Variants in NR0B1 observed in about 807,000 individuals in gnomAD.
NR0B1 encodes DSS-AHC critical region on the X chromosome protein 1.
NR0B1 carries 3 observed loss-of-function variants against 23.0 expected under a neutral mutation model. The observed-to-expected ratio is 0.13, with a 90% CI of 0.06 to 0.34. The LOEUF is 0.34. NR0B1 is among the 10% of genes least tolerant of loss of function. The probability of loss-of-function intolerance (pLI) is 1.00; values close to 1 mark genes in which losing one functional copy is unlikely to be tolerated. For synonymous variants in NR0B1, 205 were observed against 184.0 expected, an observed-to-expected ratio of 1.11 and a Z score of -0.92; for missense variants, 350 against 402.9, an observed-to-expected ratio of 0.87 and a Z score of 1.12.
intron 1 of NR0B1, among the ~76,000 whole-genome samples, chrX:30,305,322 G>A (rs758677070): frequency 4.5e-5 from 5 of 112,054 alleles, no homozygotes; most frequent in African/African-American, 1.3e-4. Flanking sequence ...AAACTTTGAC[G>A]CACAGTTTCA....
chrX:30,308,887 A>C lies in NR0B1; in HGVS notation c.477T>G (p.Ala159=), dbSNP rs780421044. 1 of 1,174,037 alleles carries C rather than the reference A, an allele frequency of 8.5e-7. No individual in the cohort carries two copies. The highest frequency in any genetic ancestry group is 3.3e-5 in the East Asian group (1 of 30,103). Residue 159 remains alanine, a synonymous_variant, in exon 1 of 2, where the codon GCT becomes GCG. Transcript: ENST00000378970. ...LLTSSKQTHV[A]PAAPEARPGG... ...CTGGCCGTGCCTCGGGCGCTGCCGG[A>C]GCCACGTGCGTTTGCTTTGAGCTAG...
rs1207705997 is a variant in NR0B1, at chrX:30,308,699, T to C, written c.665A>G (p.Gln222Arg). 2.5e-6 allele frequency: 3 copies of C among 1,200,440 alleles called. No homozygotes were observed. The highest frequency in any genetic ancestry group is 3.4e-6 in the Non-Finnish European group (3 of 890,371). ...TLYCVPTSTN[Q>R]AQAAPEERPR... ...CCGCTCCTCCGGAGCCGCCTGCGCT[T>C]GATTTGTGCTCGTGGGCACGCAGTA... The change falls in exon 1 of 2, where the codon CAA (glutamine) becomes CGA (arginine). Residue 222 changes from glutamine to arginine, a missense_variant. Around this residue, in one of 2 missense-constraint regions of NR0B1, gnomAD observed 298 missense variants for 314.0 expected, o/e 0.95. Transcript: ENST00000378970.
chrX:30,307,068 A>C (rs1248236287), intron 1 of NR0B1, among the ~76,000 whole-genome samples: 1 of 111,793 alleles, frequency 8.9e-6, no homozygotes, highest in Non-Finnish European at 1.9e-5. Context: ...TGATCTATGC[A>C]CCCTCAAAAA....
rs1199211921 is a variant in NR0B1, at chrX:30,308,404, G to A, written c.960C>T (p.Ile320=). 1.7e-6 allele frequency: 2 copies of A among 1,206,230 alleles called. No individual in the cohort carries two copies. Among genetic ancestry groups the A allele is most frequent in the Non-Finnish European group, 1.1e-6 (1 of 892,474 alleles). Residue 320 remains isoleucine (I), a synonymous_variant, in exon 1 of 2, where the codon ATC becomes ATT. Transcript: ENST00000378970. The stretch of plus-strand genomic sequence containing the variant: ...CGGTCTCCCGCCGCCTGGTGGTGAG[G>A]ATCTTCTGCAGCATGCTGGGCTCCG... ...EVSEPSMLQK[I]LTTRRRETGG... is the part of the protein sequence containing the mutation.
At chrX:30,304,847 T>A in intron 1 of NR0B1, 24 bp from the exon 2 acceptor site, 1 of 1,207,905 alleles carries the variant, frequency 8.3e-7, no homozygotes, top group Non-Finnish European at 1.1e-6. Flanking sequence ...AATCTCTTTG[T>A]TATAAAACAG....
intron 1 of NR0B1, among the ~76,000 whole-genome samples, chrX:30,307,143 G>A (rs1237947452): frequency 8.9e-6 from 1 of 111,910 alleles, no homozygotes; most frequent in Non-Finnish European, 1.9e-5. Context: ...TACAAAAGGA[G>A]CATTATAAAA....
Position 30,309,240 on chromosome X carries a change from A to C in NR0B1, c.124T>G (p.Ser42Ala), listed in dbSNP as rs763054084. 1 of 1,167,181 alleles carries C rather than the reference A, an allele frequency of 8.6e-7. No individual in the cohort carries two copies. Among genetic ancestry groups the C allele is most frequent in the African/African-American group, 1.8e-5 (1 of 56,961 alleles). ...CCCACCCCGGGCTCATCGCCGCACGAACAGCCCCAGCACTGATCCACCAGC... is the reference window on the plus strand; with the variant it reads ...CCCACCCCGGGCTCATCGCCGCACGCACAGCCCCAGCACTGATCCACCAGC... ...TRLVDQCWGCSCGDEPGVGRE... is the reference protein window; with the variant it reads ...TRLVDQCWGCACGDEPGVGRE... Residue 42 changes from serine to alanine, a missense_variant, in exon 1 of 2, where the codon TCG becomes GCG. Coordinates refer to ENST00000378970, the MANE Select transcript of NR0B1 (RefSeq NM_000475.5).
intron 1 of NR0B1, among the ~76,000 whole-genome samples, chrX:30,307,466 G>A (rs970519063): frequency 9.0e-6 from 1 of 111,341 alleles, no homozygotes; most frequent in African/African-American, 3.3e-5. Context: ...GGGGTGGGGG[G>A]AGGCTACAGA....
chrX:30,309,184 C>T lies in NR0B1; in HGVS notation c.180G>A (p.Val60=). 1 of 1,199,261 alleles carries T rather than the reference C, an allele frequency of 8.3e-7. No homozygotes were observed. Among genetic ancestry groups the T allele is most frequent in the Non-Finnish European group, 1.1e-6 (1 of 890,609 alleles). The change falls in exon 1 of 2, where the codon GTG becomes GTA. Residue 60 remains valine, a synonymous_variant. Coordinates refer to ENST00000378970, the MANE Select transcript of NR0B1 (RefSeq NM_000475.5). ...GREGLLGGRN[V]ALLYRCCFCG... ...AAAAGCAGCAGCGGTACAGGAGCGC[C>T]ACGTTCCGCCCGCCCAGCAGCCCCT...
At position 30,308,684 on chromosome X, in the gene NR0B1, G is replaced by C. The variant is rs765019150; in HGVS notation, c.680C>G (p.Pro227Arg). 3.3e-6 allele frequency: 4 copies of C among 1,199,897 alleles called. No individual in the cohort carries two copies. The highest frequency in any genetic ancestry group is 4.5e-6 in the Non-Finnish European group (4 of 890,126). ...CCAGGGGGCCCTCGGCCGCTCCTCC[G>C]GAGCCGCCTGCGCTTGATTTGTGCT... ...PTSTNQAQAA[P>R]EERPRAPWWD... Residue 227 changes from proline (P) to arginine (R), a missense_variant, in exon 1 of 2, where the codon CCG becomes CGG. Transcript: ENST00000378970.
chrX:30,307,293 T>G (rs1926538746), intron 1 of NR0B1, among the ~76,000 whole-genome samples: 1 of 111,901 alleles, frequency 8.9e-6, no homozygotes, highest in Non-Finnish European at 1.9e-5. Context: ...CCTCCAGTGA[T>G]TTGGTTGCAC....
At chrX:30,308,098 G>C in intron 1 of NR0B1, 98 bp downstream of exon 1, 1 of 672,282 alleles carries the variant, frequency 1.5e-6, no homozygotes, top group Admixed American at 2.3e-5. Context: ...ACACTCTCCT[G>C]ATCACTGAAA....
Position 30,304,424 on chromosome X carries a change from G to T in NR0B1, c.*155C>A. The T allele has an allele frequency of 1.6e-6, 1 of 622,546 alleles. No individual in the cohort carries two copies. The allele number at this position is 622,546 out of a possible 1,213,427, so 51.3% of individuals were successfully genotyped here. A position where few individuals can be genotyped will look rare whatever the true frequency, so the allele number is the denominator to read the frequency against. On this transcript the variant is annotated 3_prime_UTR_variant, in exon 2 of 2. Coordinates refer to ENST00000378970, the MANE Select transcript of NR0B1 (RefSeq NM_000475.5). ...GAACAGAGAAATTTGTGACTGTCTG[G>T]AATAAAATTATTTCTTTAATTGAAT...
chrX:30,304,323 C>T lies in NR0B1; in HGVS notation c.*256G>A. On this transcript the variant is annotated 3_prime_UTR_variant, in exon 2 of 2. Transcript: ENST00000378970. ...ACACTTGTGAAAATAGCTTATTATACTAGTACCCTGCTATTTTTTTTTTAA... is the reference window on the plus strand; with the variant it reads ...ACACTTGTGAAAATAGCTTATTATATTAGTACCCTGCTATTTTTTTTTTAA... The T allele has an allele frequency of 3.2e-6, 1 of 315,273 alleles. No homozygotes were observed. The highest frequency in any genetic ancestry group is 4.3e-5 in the South Asian group (1 of 23,175). 26.0% of individuals were successfully genotyped at this position (315,273 alleles called of 1,213,427 possible).
At chrX:30,305,972 G>A (rs895296840) in intron 1 of NR0B1, 1 of 326,124 alleles carries the variant, frequency 3.1e-6, no homozygotes, top group Non-Finnish European at 5.4e-6. Flanking sequence ...CTCCTATTAT[G>A]GGCGAATATC....
In NR0B1 at chrX:30,304,938, G is replaced by A. The variant is rs960566329; in HGVS notation, c.1169-115C>T. Reference sequence around the variant, plus strand: ...AATTAAACAAGACCCAAAGCTTCCCGGTTAAAAGGGTAAAAGGCCAAACCA... The same window carrying A: ...AATTAAACAAGACCCAAAGCTTCCCAGTTAAAAGGGTAAAAGGCCAAACCA... On this transcript the variant is annotated intron_variant, in intron 1 of 1. Transcript: ENST00000378970. 28 of 936,036 alleles carry A rather than the reference G, an allele frequency of 3.0e-5. No homozygotes were observed. The South Asian group carries it at 4.6e-4, about 16-fold the overall frequency. The allele number at this position is 936,036 out of a possible 1,213,427, so 77.1% of individuals were successfully genotyped here.
Position 30,309,051 on chromosome X carries a change from A to G in NR0B1, c.313T>C (p.Trp105Arg). 1 of 1,208,453 alleles carries G rather than the reference A, an allele frequency of 8.3e-7. No individual in the cohort carries two copies. The highest frequency in any genetic ancestry group is 1.1e-6 in the Non-Finnish European group (1 of 894,884). The change falls in exon 1 of 2, where the codon TGG becomes CGG. Residue 105 changes from tryptophan to arginine, a missense_variant. Transcript: ENST00000378970. The part of the protein sequence containing the change: ...KAPEATLGPC[W>R]GCSCGSDPGV... Reference sequence around the variant, plus strand: ...GGATCAGAGCCGCACGAACAGCCCCAGCACGGACCCAGCGTCGCCTCGGGC... The same window carrying G: ...GGATCAGAGCCGCACGAACAGCCCCGGCACGGACCCAGCGTCGCCTCGGGC...
In NR0B1 at chrX:30,304,601, T is replaced by A; in HGVS notation, c.1391A>T (p.Glu464Val). 8.3e-7 allele frequency: 1 copy of A among 1,211,686 alleles called. No individual in the cohort carries two copies. Among genetic ancestry groups the A allele is most frequent in the Non-Finnish European group, 1.1e-6 (1 of 895,379 alleles). The change falls in exon 2 of 2, where the codon GAA becomes GTA. Residue 464 changes from glutamate to valine, a missense_variant. Glu to Val is a moderately radical substitution (Grantham distance 121, BLOSUM62 -2). This residue lies in a region of NR0B1 where 52 missense variants were observed against 88.9 expected (regional missense o/e 0.58). Transcript: ENST00000378970. Reference protein sequence around the residue: ...GTVSMDDMMLEMLCTKI With the variant: ...GTVSMDDMMLVMLCTKI The stretch of plus-strand genomic sequence containing the variant: ...ACTTTATATCTTTGTACAGAGCATT[T>A]CCAGCATCATATCATCCATGCTGAC...
At position 30,304,482 on chromosome X, in the gene NR0B1, A is replaced by C; in HGVS notation, c.*97T>G. 1.0e-6 allele frequency: 1 copy of C among 962,859 alleles called. No individual in the cohort carries two copies. The highest frequency in any genetic ancestry group is 1.5e-6 in the Non-Finnish European group (1 of 685,986). 79.4% of individuals were successfully genotyped at this position (962,859 alleles called of 1,213,427 possible). ...TACTCTGCATGTAAAAATATTAAGAAAGTTTATTTTAAAATATTTTACACT... is the reference window on the plus strand; with the variant it reads ...TACTCTGCATGTAAAAATATTAAGACAGTTTATTTTAAAATATTTTACACT... On this transcript the variant is annotated 3_prime_UTR_variant, in exon 2 of 2. Coordinates refer to ENST00000378970, the MANE Select transcript of NR0B1 (RefSeq NM_000475.5).
Sources: gnomAD v4.1 joint callset for allele counts (sites outside exome capture counted in the v4.1 genomes callset) on GRCh38, gnomAD v4.1.1 for gene constraint, gnomAD v4.1.1 regional missense constraint, MANE v1.5 for transcripts, NCBI Gene and HGNC (gene_info 2026-07-23, HGNC 2026-07-21) for gene names.